The following PRKAG2 variants were observed in gnomAD, a reference collection of about 807,000 sequenced individuals.
The protein encoded by PRKAG2 is 5'-AMP-activated protein kinase subunit gamma-2.
In PRKAG2, 26 loss-of-function variants were observed where a neutral mutation model predicts 69.6. That is an observed-to-expected ratio of 0.37 (90% CI 0.27 to 0.52). The LOEUF is 0.52. Among genes scored for constraint, PRKAG2 ranks in the 20% least tolerant of loss-of-function variants. The probability of loss-of-function intolerance (pLI) is 0.90; values close to 1 mark genes in which losing one functional copy is unlikely to be tolerated. For missense variants in PRKAG2, 557 were observed against 740.0 expected, an observed-to-expected ratio of 0.75 and a Z score of 2.87; for synonymous variants, 293 against 285.0, an observed-to-expected ratio of 1.03 and a Z score of -0.28.
chr7:151,686,690 C>T (rs892330670), intron 3 of PRKAG2, among the ~76,000 whole-genome samples: 6 of 152,240 alleles, frequency 3.9e-5, no homozygotes, highest in Non-Finnish European at 8.8e-5. Flanking sequence ...AGGACCCCCT[C>T]TCTCAGCAGG....
At chr7:151,805,497 T>C (rs1037513242) in intron 1 of PRKAG2, among the ~76,000 whole-genome samples, 2 of 152,188 alleles carry the variant, frequency 1.3e-5, no homozygotes, top group Admixed American at 1.3e-4. Flanking sequence ...TTGGGGTGGT[T>C]TGTTATGTAG....
intron 14 of PRKAG2, among the ~76,000 whole-genome samples, chr7:151,561,543 T>C (rs1804950072): frequency 6.6e-6 from 1 of 152,244 alleles, no homozygotes; most frequent in Admixed American, 6.5e-5. Flanking sequence ...AGTTTTCTAC[T>C]CTGAAATCTC....
chr7:151,797,625 G>T (rs1296801578), intron 1 of PRKAG2, among the ~76,000 whole-genome samples: 1 of 152,146 alleles, frequency 6.6e-6, no homozygotes, highest in Non-Finnish European at 1.5e-5. Context: ...GGGTACCCAA[G>T]GACTCCTTCT....
intron 3 of PRKAG2, among the ~76,000 whole-genome samples, chr7:151,773,032 AGAGAGAGAGAGAGAGAGAGAGG>A (rs1205905868): frequency 0.015 from 456 of 31,176 alleles, 10 homozygotes; most frequent in East Asian, 0.043. Flanking sequence ...AAAGAGAGAG[AGAGAGAGAGAGAGAGAGAGAGG>A]GAGGGAGGGA....
intron 4 of PRKAG2, among the ~76,000 whole-genome samples, chr7:151,658,567 A>G (rs779065409): frequency 9.2e-5 from 14 of 152,236 alleles, no homozygotes; most frequent in Admixed American, 3.3e-4. Context: ...AAATCCATTG[A>G]AAATTATTTT....
At chr7:151,727,288 C>A (rs1185544245) in intron 3 of PRKAG2, among the ~76,000 whole-genome samples, 1 of 152,192 alleles carries the variant, frequency 6.6e-6, no homozygotes, top group Non-Finnish European at 1.5e-5. Flanking sequence ...TGAGGCAGAC[C>A]TGCCTGTGGG....
chr7:151,709,282 A>C (rs1052491301), intron 3 of PRKAG2, among the ~76,000 whole-genome samples: 1 of 143,750 alleles, frequency 7.0e-6, no homozygotes, highest in African/African-American at 2.7e-5. Flanking sequence ...ACGATGAGGG[A>C]TGTATGGTAC....
In PRKAG2 at chr7:151,583,576, G is replaced by C. The variant is rs927570114; in HGVS notation, c.865-7124C>G. Among the ~76,000 whole-genome samples, 1 of 152,038 alleles carries C rather than the reference G, an allele frequency of 6.6e-6. No homozygotes were observed. The highest frequency in any genetic ancestry group is 1.5e-5 in the Non-Finnish European group (1 of 68,016). On this transcript the variant is annotated intron_variant, in intron 6 of 15. Coordinates refer to ENST00000287878, the MANE Select transcript of PRKAG2 (RefSeq NM_016203.4). This position sits in a 1 kb window ranked among gnomAD's most constrained non-coding sequence, Gnocchi z 4.1. ...ATAAAGCAATTTAAAATCATACTTG[G>C]AAAATTCTCCATAATTATAGACGGC...
chr7:151,568,835 C>A lies in PRKAG2; in HGVS notation c.1114G>T (p.Asp372Tyr). The A allele has an allele frequency of 6.2e-7, 1 of 1,613,772 alleles. No homozygotes were observed. Among genetic ancestry groups the A allele is most frequent in the South Asian group, 1.1e-5 (1 of 91,060 alleles). The change falls in exon 11 of 16, where the codon GAT (aspartate) becomes TAT (tyrosine). Residue 372 changes from aspartate (D) to tyrosine (Y), a missense_variant. By Grantham distance (160) the Asp-to-Tyr change is radical. Around this residue, in one of 2 missense-constraint regions of PRKAG2, gnomAD observed 205 missense variants for 383.4 expected, o/e 0.53. Coordinates refer to ENST00000287878, the MANE Select transcript of PRKAG2 (RefSeq NM_016203.4). Reference sequence around the variant, plus strand: ...TTTTTGATCAAGGAGTATACAGCATCGAAGAGGCTGTGGGAGAAGTCATTA... The same window carrying A: ...TTTTTGATCAAGGAGTATACAGCATAGAAGAGGCTGTGGGAGAAGTCATTA... ...VNISPDASLFDAVYSLIKNKI... is the reference protein window; with the variant it reads ...VNISPDASLFYAVYSLIKNKI...
intron 4 of PRKAG2, among the ~76,000 whole-genome samples, chr7:151,674,375 T>A (rs1366992134): frequency 6.6e-6 from 1 of 152,216 alleles, no homozygotes; most frequent in African/African-American, 2.4e-5. Context: ...AGCCATCCAG[T>A]GTGTGGCACT....
At chr7:151,765,389 T>C (rs1158002563) in intron 3 of PRKAG2, among the ~76,000 whole-genome samples, 1 of 152,160 alleles carries the variant, frequency 6.6e-6, no homozygotes, top group Non-Finnish European at 1.5e-5. Flanking sequence ...GCCCCTACGA[T>C]TCAATCACCT....
intron 1 of PRKAG2, among the ~76,000 whole-genome samples, chr7:151,856,777 C>T (rs866847969): frequency 2.6e-5 from 4 of 152,140 alleles, no homozygotes; most frequent in South Asian, 2.1e-4. Context: ...TCATCAGCCA[C>T]GTGGCCGCCA....
intron 1 of PRKAG2, among the ~76,000 whole-genome samples, chr7:151,868,703 A>G (rs908142152): frequency 1.3e-5 from 2 of 152,340 alleles, no homozygotes; most frequent in African/African-American, 4.8e-5. Context: ...CGGGTGAGCC[A>G]CATTCTCACT....
chr7:151,578,751 A>C (rs1056511149), intron 6 of PRKAG2, among the ~76,000 whole-genome samples: 18 of 152,208 alleles, frequency 1.2e-4, no homozygotes, highest in African/African-American at 4.3e-4. Context: ...TGTTTCTGAA[A>C]CACACCTTTA....
chr7:151,876,530 G>C lies in PRKAG2; in HGVS notation c.91C>G (p.Arg31Gly), dbSNP rs751957422. 3 of 1,607,826 alleles carry C rather than the reference G, an allele frequency of 1.9e-6. No homozygotes were observed. Among genetic ancestry groups the C allele is most frequent in the South Asian group, 1.1e-5 (1 of 91,080 alleles). ...GGKKNASQKR[R>G]SLRVHIPDLS... ...ACCGGAATGTGCACGCGCAGCGAAC[G>C]CCTCTTCTGGCTGGCATTTTTCTTG... is the stretch of plus-strand genomic sequence containing the variant. Residue 31 changes from arginine (R) to glycine (G), a missense_variant, in exon 1 of 16, where the codon CGT becomes GGT. This residue lies in a region of PRKAG2 where 352 missense variants were observed against 356.7 expected (regional missense o/e 0.99). Transcript: ENST00000287878.
At chr7:151,631,701 G>T in intron 5 of PRKAG2, 1 of 460,026 alleles carries the variant, frequency 2.2e-6, no homozygotes, top group Non-Finnish European at 4.4e-6. Flanking sequence ...TGGACTGTGG[G>T]TATGATTCGG....
chr7:151,702,297 C>CAA (rs1054410893), intron 3 of PRKAG2, among the ~76,000 whole-genome samples: 1 of 152,220 alleles, frequency 6.6e-6, no homozygotes, highest in African/African-American at 2.4e-5. Context: ...GCCGGTCCCC[C>CAA]AAAAGAGAGA....
intron 4 of PRKAG2, among the ~76,000 whole-genome samples, chr7:151,650,371 C>T (rs765664446): frequency 7.9e-5 from 12 of 151,660 alleles, no homozygotes; most frequent in Middle Eastern, 3.4e-3. Flanking sequence ...TGGGCAATTA[C>T]GCAAACTTTA....
At chr7:151,616,947 C>T (rs1007798246) in intron 5 of PRKAG2, among the ~76,000 whole-genome samples, 2 of 152,082 alleles carry the variant, frequency 1.3e-5, no homozygotes, top group African/African-American at 4.8e-5. Flanking sequence ...AGGACCAGAT[C>T]GCCAAGGGCC....
Sources: gnomAD v4.1 joint callset for allele counts (sites outside exome capture counted in the v4.1 genomes callset) on GRCh38, gnomAD v4.1.1 for gene constraint, gnomAD v4.1.1 regional missense constraint, Gnocchi (gnomAD v3.1) non-coding constraint, MANE v1.5 for transcripts, NCBI Gene and HGNC (gene_info 2026-07-23, HGNC 2026-07-21) for gene names.